CALN1: variants seen among roughly 807,000 people sequenced by gnomAD.
CALN1 encodes the protein calcium-binding protein 8.
CALN1 carries 17 observed loss-of-function variants against 30.6 expected under a neutral mutation model. The observed-to-expected ratio is 0.56, with a 90% CI of 0.38 to 0.83. The LOEUF (loss-of-function observed/expected upper bound fraction) is 0.83, where lower values mean the gene tolerates loss of function less well. Among genes scored for constraint, CALN1 ranks in the 40% least tolerant of loss-of-function variants. CALN1 has a pLI of 0.00. For missense variants in CALN1, 291 were observed against 354.9 expected (o/e 0.82, Z 1.45); for synonymous variants, 156 against 131.4 (o/e 1.19, Z -1.28).
At chr7:72,224,117 T>C (rs1793502783) in intron 3 of CALN1, among the ~76,000 whole-genome samples, 1 of 152,148 alleles carries the variant, frequency 6.6e-6, no homozygotes, top group African/African-American at 2.4e-5. Context: ...TTGTAATATA[T>C]ACTCATTATC....
At chr7:72,462,919 G>A in the CALN1 span, among the ~76,000 whole-genome samples, 6 of 152,126 alleles carry the variant, frequency 3.9e-5, no homozygotes, top group South Asian at 2.1e-4. Context: ...TACCATCCAC[G>A]TAGTTCTGCT....
intron 5 of CALN1, among the ~76,000 whole-genome samples, chr7:71,871,210 A>C (rs1250594831): frequency 6.6e-6 from 1 of 152,198 alleles, no homozygotes; most frequent in East Asian, 1.9e-4. Context: ...TTTTGGCAAG[A>C]CCCAGCTGAA....
chr7:72,324,063 C>A (rs1801093057), intron 2 of CALN1, among the ~76,000 whole-genome samples: 1 of 152,010 alleles, frequency 6.6e-6, no homozygotes, highest in Non-Finnish European at 1.5e-5. Context: ...TGCAGTTCAA[C>A]AAGATCCCCT....
chr7:72,385,301 T>C (rs971152959), intron 2 of CALN1, among the ~76,000 whole-genome samples: 6 of 152,172 alleles, frequency 3.9e-5, no homozygotes, highest in African/African-American at 7.2e-5. Flanking sequence ...CTCAGGTATT[T>C]ACTCAACTCA....
chr7:72,335,202 A>G (rs1433671185), intron 2 of CALN1, among the ~76,000 whole-genome samples: 4 of 152,318 alleles, frequency 2.6e-5, no homozygotes, highest in South Asian at 2.1e-4. Context: ...ACAAGCCAAG[A>G]AGGAGAGCTG....
At chr7:71,830,125 C>T (rs1158473070) in intron 5 of CALN1, among the ~76,000 whole-genome samples, 2 of 151,292 alleles carry the variant, frequency 1.3e-5, no homozygotes, top group Admixed American at 6.6e-5. Flanking sequence ...CTCACTGCAA[C>T]CTCTGCCTCC....
chr7:72,470,421 G>A, the CALN1 span, among the ~76,000 whole-genome samples: 1 of 152,044 alleles, frequency 6.6e-6, no homozygotes, highest in Non-Finnish European at 1.5e-5. Context: ...AGTAATGTAC[G>A]TCTGGCCAAC....
intron 2 of CALN1, among the ~76,000 whole-genome samples, chr7:72,281,115 G>C (rs1318482176): frequency 6.6e-6 from 1 of 151,618 alleles, no homozygotes; most frequent in African/African-American, 2.4e-5. Context: ...TTGCTCTCCA[G>C]CCTGGGCAAC....
chr7:72,277,108 C>G (rs1000950899), intron 3 of CALN1, among the ~76,000 whole-genome samples: 4 of 144,062 alleles, frequency 2.8e-5, no homozygotes, highest in African/African-American at 1.0e-4. Context: ...CAGACCAAGA[C>G]GCCACCCAAG....
At chr7:71,939,598 G>A (rs1003612820) in intron 5 of CALN1, among the ~76,000 whole-genome samples, 1 of 151,586 alleles carries the variant, frequency 6.6e-6, no homozygotes, top group Non-Finnish European at 1.5e-5. Context: ...GTTTACGGAT[G>A]GTAGTTATGA....
chr7:72,296,215 A>T (rs1185938945), intron 2 of CALN1, among the ~76,000 whole-genome samples: 4 of 150,956 alleles, frequency 2.6e-5, no homozygotes, highest in African/African-American at 4.9e-5. Context: ...GATGAAGCCC[A>T]CTTGATCATG....
At position 72,359,045 on chromosome 7, in the gene CALN1, C is replaced by T. The variant is rs1803405343; in HGVS notation, c.119+44206G>A. Among the ~76,000 whole-genome samples, 3 of 151,982 alleles carry T rather than the reference C, an allele frequency of 2.0e-5. No homozygotes were observed. In the South Asian group the frequency reaches 6.2e-4, roughly 32 times the overall value. ...CACAGTGCATCCTTTTTTCTTCTTC[C>T]CCATGAAGAGGCCCTGCATCTCTTC... is the stretch of plus-strand genomic sequence containing the variant. On this transcript the variant is annotated intron_variant, in intron 2 of 6. Coordinates refer to ENST00000395275, the MANE Select transcript of CALN1 (RefSeq NM_031468.4).
At chr7:71,937,618 A>G (rs1238404847) in intron 5 of CALN1, among the ~76,000 whole-genome samples, 3 of 152,118 alleles carry the variant, frequency 2.0e-5, no homozygotes, top group African/African-American at 7.2e-5. Flanking sequence ...TGTTAGGGCT[A>G]CAAGTGTGTA....
intron 5 of CALN1, among the ~76,000 whole-genome samples, chr7:71,849,750 C>T (rs1163182458): frequency 6.6e-6 from 1 of 151,990 alleles, no homozygotes; most frequent in African/African-American, 2.4e-5. Flanking sequence ...CTCAATGGAT[C>T]CTCCCACTTC....
intron 5 of CALN1, among the ~76,000 whole-genome samples, chr7:71,830,434 G>C (rs1789201802): frequency 6.6e-6 from 1 of 151,962 alleles, no homozygotes; most frequent in South Asian, 2.1e-4. Context: ...TGCAACCTCT[G>C]CCGCCCAGGT....
the CALN1 span, among the ~76,000 whole-genome samples, chr7:72,501,896 G>A: frequency 5.9e-5 from 6 of 101,014 alleles, no homozygotes; most frequent in Admixed American, 1.3e-4. Flanking sequence ...GCAACAGAGC[G>A]AGATTTCGTC....
chr7:71,847,265 G>A (rs1790318238), intron 5 of CALN1, among the ~76,000 whole-genome samples: 1 of 152,038 alleles, frequency 6.6e-6, no homozygotes, highest in South Asian at 2.1e-4. Flanking sequence ...TGTTGTGGGA[G>A]GGACCTGGTG....
At chr7:72,331,188 A>G (rs1801649113) in intron 2 of CALN1, among the ~76,000 whole-genome samples, 1 of 152,080 alleles carries the variant, frequency 6.6e-6, no homozygotes. Flanking sequence ...CGTCTCTACT[A>G]AAAATACAAA....
chr7:72,231,007 C>T (rs1289170837), intron 3 of CALN1, among the ~76,000 whole-genome samples: 1 of 152,172 alleles, frequency 6.6e-6, no homozygotes, highest in Non-Finnish European at 1.5e-5. Context: ...ACTGCCCCAC[C>T]TGGGGGCATG....
Sources: allele counts gnomAD v4.1 joint callset (sites outside exome capture counted in the v4.1 genomes callset), GRCh38; gene constraint gnomAD v4.1.1; transcripts MANE v1.5; gene names NCBI Gene and HGNC (gene_info 2026-07-23, HGNC 2026-07-21).